The following FBXL5 variants were observed in gnomAD, a reference collection of about 807,000 sequenced individuals.
The protein encoded by FBXL5 is F-box/LRR-repeat protein 5.
A neutral mutation model predicts 78.3 loss-of-function variants in FBXL5; 26 were observed. That is an observed-to-expected ratio of 0.33 (90% CI 0.24 to 0.46). The LOEUF (loss-of-function observed/expected upper bound fraction) is 0.46, where lower values mean the gene tolerates loss of function less well. Ranked by LOEUF, FBXL5 falls within the 20% of genes least tolerant of loss-of-function variation. The pLI is 1.00. For synonymous variants in FBXL5, 295 were observed against 282.5 expected, an observed-to-expected ratio of 1.04 and a Z score of -0.45; for missense variants, 710 against 829.2, an observed-to-expected ratio of 0.86 and a Z score of 1.77.
At chr4:15,654,923 G>A (rs939673744) in intron 1 of FBXL5, among the ~76,000 whole-genome samples, 2 of 152,046 alleles carry the variant, frequency 1.3e-5, no homozygotes, top group Non-Finnish European at 2.9e-5. Flanking sequence ...AGGGCGGCCA[G>A]TGACGCCGGT....
chr4:15,610,953 G>A (rs945621833), intron 10 of FBXL5, among the ~76,000 whole-genome samples: 9 of 152,032 alleles, frequency 5.9e-5, no homozygotes, highest in East Asian at 1.9e-4. Context: ...ACAAAACTCC[G>A]TTCTCAAATC....
At chr4:15,646,793 G>T (rs1016964132) in intron 1 of FBXL5, among the ~76,000 whole-genome samples, 6 of 150,538 alleles carry the variant, frequency 4.0e-5, no homozygotes, top group Non-Finnish European at 7.4e-5. Context: ...AGAACATGCG[G>T]TGTTTGGTTT....
chr4:15,606,210 T>C (rs1010694550), intron 10 of FBXL5, among the ~76,000 whole-genome samples: 4 of 152,154 alleles, frequency 2.6e-5, no homozygotes, highest in Admixed American at 2.0e-4. Flanking sequence ...GAAGTCAGTA[T>C]TGAGCAATTA....
chr4:15,610,034 T>A (rs1269377230), intron 10 of FBXL5, among the ~76,000 whole-genome samples: 1 of 152,108 alleles, frequency 6.6e-6, no homozygotes, highest in African/African-American at 2.4e-5. Flanking sequence ...ATATTTGAAA[T>A]ATAATTTGTC....
intron 1 of FBXL5, among the ~76,000 whole-genome samples, chr4:15,667,971 G>A (rs1717615241): frequency 6.6e-6 from 1 of 151,714 alleles, no homozygotes; most frequent in Non-Finnish European, 1.5e-5. Context: ...AACTCGGGAG[G>A]TGGAGGTTGC....
intron 3 of FBXL5, among the ~76,000 whole-genome samples, 165 bp from the exon 4 acceptor site, chr4:15,638,859 A>G (rs1714541538): frequency 6.6e-6 from 1 of 152,234 alleles, no homozygotes; most frequent in African/African-American, 2.4e-5. Context: ...AAAATTGCAG[A>G]GAAGAGTACA....
At chr4:15,623,512 AT>A (rs67944139) in intron 9 of FBXL5, among the ~76,000 whole-genome samples, 36,980 of 152,040 alleles carry the variant, frequency 0.24, 4,738 homozygotes, top group African/African-American at 0.29. Context: ...TAATAAAAAA[AT>A]GACAATGAAA....
chr4:15,659,196 T>C (rs1260018650), upstream of FBXL5, among the ~76,000 whole-genome samples: 2 of 152,230 alleles, frequency 1.3e-5, no homozygotes, highest in African/African-American at 4.8e-5. Flanking sequence ...TAATAATGTT[T>C]ATCTACATTC....
chr4:15,626,112 A>G, intron 8 of FBXL5, 135 bp from the exon 9 acceptor site: 2 of 828,118 alleles, frequency 2.4e-6, no homozygotes, highest in African/African-American at 1.7e-5. Flanking sequence ...TGAATTATCT[A>G]TTGTTAAGGT....
At position 15,644,230 on chromosome 4, in the gene FBXL5, C is replaced by T. The variant is rs146401360; in HGVS notation, c.300+263G>A. 4.1e-3 allele frequency among the ~76,000 whole-genome samples: 627 copies of T among 152,312 alleles called. 21 individuals are homozygous for T. Among genetic ancestry groups the T allele is most frequent in the Admixed American group, 0.037 (570 of 15,310 alleles). On this transcript the variant is annotated intron_variant, in intron 2 of 10. Transcript: ENST00000341285. ...TGATGTTTCCTCAGTAGTTTTCCAT[C>T]CACTCTTCCCACTTTGCCCCTTGGA... is the stretch of plus-strand genomic sequence containing the variant.
chr4:15,652,132 T>C (rs940241573), intron 1 of FBXL5, among the ~76,000 whole-genome samples: 1 of 152,152 alleles, frequency 6.6e-6, no homozygotes, highest in Non-Finnish European at 1.5e-5. Context: ...GGAGTTAACC[T>C]TGGAGAACTG....
At chr4:15,662,046 A>G (rs1717335406), upstream of FBXL5, among the ~76,000 whole-genome samples, 1 of 152,234 alleles carries the variant, frequency 6.6e-6, no homozygotes. Flanking sequence ...TTCAAACCCA[A>G]AATAAGTCAG....
chr4:15,668,366 C>T (rs1717632723), intron 1 of FBXL5, among the ~76,000 whole-genome samples: 1 of 151,904 alleles, frequency 6.6e-6, no homozygotes, highest in Non-Finnish European at 1.5e-5. Context: ...TCAAGTTCAA[C>T]TGCTGGATCT....
chr4:15,653,704 G>C (rs1474060332), intron 1 of FBXL5, among the ~76,000 whole-genome samples: 1 of 152,056 alleles, frequency 6.6e-6, no homozygotes, highest in Non-Finnish European at 1.5e-5. Flanking sequence ...TCAAAAGCCA[G>C]AGAGGATAAA....
rs1004015739 is a variant in FBXL5 at position 15,627,875 on chromosome 4, T to G, written c.1041+10A>C. 1.4e-5 allele frequency: 22 copies of G among 1,604,680 alleles called. No homozygotes were observed. The highest frequency in any genetic ancestry group is 1.6e-5 in the Non-Finnish European group (19 of 1,175,776). The stretch of plus-strand genomic sequence containing the variant: ...TCTTAATACCCAAACTAGTGTTAAT[T>G]TAAACATACCATTTTGCTGGAAACT... On this transcript the variant is annotated intron_variant, in intron 7 of 10. Transcript: ENST00000341285.
chr4:15,659,008 A>C (rs1321623901), upstream of FBXL5, among the ~76,000 whole-genome samples: 1 of 152,204 alleles, frequency 6.6e-6, no homozygotes, highest in Non-Finnish European at 1.5e-5. Flanking sequence ...GTTTCATACT[A>C]TCCACCCCAT....
intron 1 of FBXL5, among the ~76,000 whole-genome samples, chr4:15,667,077 T>G (rs1717579007): frequency 6.6e-6 from 1 of 152,212 alleles, no homozygotes; most frequent in Non-Finnish European, 1.5e-5. Flanking sequence ...ACCATATTTG[T>G]ACCCATTACA....
chr4:15,645,783 G>C (rs887245281), intron 1 of FBXL5, among the ~76,000 whole-genome samples: 3 of 152,112 alleles, frequency 2.0e-5, no homozygotes, highest in Non-Finnish European at 4.4e-5. Flanking sequence ...TAAAACATCT[G>C]TATTTCACAT....
chr4:15,622,342 T>C (rs895279599), intron 9 of FBXL5, among the ~76,000 whole-genome samples: 4 of 152,222 alleles, frequency 2.6e-5, no homozygotes, highest in African/African-American at 9.6e-5. Flanking sequence ...CTGTAACTGG[T>C]TGACTGAAAC....
Sources: allele counts gnomAD v4.1 joint callset (sites outside exome capture counted in the v4.1 genomes callset), GRCh38; gene constraint gnomAD v4.1.1; transcripts MANE v1.5; gene names NCBI Gene and HGNC (gene_info 2026-07-23, HGNC 2026-07-21).